EYS: variants seen among roughly 807,000 people sequenced by gnomAD.
EYS encodes protein eyes shut homolog.
A neutral mutation model predicts 282.1 loss-of-function variants in EYS; 250 were observed. The observed-to-expected ratio is 0.89, with a 90% CI of 0.80 to 0.98. The LOEUF (loss-of-function observed/expected upper bound fraction) is 0.98. Ranked by LOEUF, EYS falls within the 50% of genes least tolerant of loss-of-function variation. The probability of loss-of-function intolerance (pLI) is 0.00; values close to 1 mark genes in which losing one functional copy is unlikely to be tolerated. For synonymous variants in EYS, 1,355 were observed against 1,282.9 expected (o/e 1.06, Z -1.20); for missense variants, 4,016 against 3,709.0 (o/e 1.08, Z -2.15).
At chr6:64,648,155 G>T (rs965897853) in intron 22 of EYS, among the ~76,000 whole-genome samples, 25 of 152,140 alleles carry the variant, frequency 1.6e-4, no homozygotes, top group Non-Finnish European at 2.9e-4. Flanking sequence ...GGCTGGCACT[G>T]ATGTTATCTC....
chr6:65,486,259 A>G (rs985697610), intron 5 of EYS, among the ~76,000 whole-genome samples: 5 of 152,228 alleles, frequency 3.3e-5, no homozygotes, highest in Non-Finnish European at 7.3e-5. Flanking sequence ...GTTGTGACAA[A>G]ACTATTATTG....
intron 31 of EYS, among the ~76,000 whole-genome samples, chr6:64,202,923 C>T (rs371223886): frequency 1.3e-5 from 2 of 152,312 alleles, no homozygotes; most frequent in South Asian, 2.1e-4. Context: ...GCCATGCCAA[C>T]ACTTCAAGTT....
In EYS at chr6:64,378,097, T is replaced by A. The variant is rs139057896; in HGVS notation, c.6078+10593A>T. Among the ~76,000 whole-genome samples, 1,225 of 152,318 alleles carry A rather than the reference T, an allele frequency of 8.0e-3. 4 individuals carry two copies. Among genetic ancestry groups the A allele is most frequent in the Middle Eastern group, 0.014 (4 of 294 alleles). On this transcript the variant is annotated intron_variant, in intron 29 of 42. Transcript: ENST00000503581. ...TGCATGAATGTCCTTTAATGTTGTA[T>A]ACATGATGTGTTTCCTCCCTTTAAT...
intron 12 of EYS, among the ~76,000 whole-genome samples, chr6:65,144,213 C>T (rs765195345): frequency 6.6e-6 from 1 of 152,086 alleles, no homozygotes; most frequent in Non-Finnish European, 1.5e-5. Flanking sequence ...TCAAACTTCA[C>T]ATCTTGGCTA....
chr6:64,282,057 A>G (rs1768326910), intron 30 of EYS, among the ~76,000 whole-genome samples: 1 of 152,156 alleles, frequency 6.6e-6, no homozygotes, highest in African/African-American at 2.4e-5. Flanking sequence ...GAAAGTGTCT[A>G]TTCTGATGTC....
intron 14 of EYS, among the ~76,000 whole-genome samples, chr6:64,964,127 C>A (rs1405041404): frequency 6.6e-6 from 1 of 151,890 alleles, no homozygotes; most frequent in Non-Finnish European, 1.5e-5. Flanking sequence ...ACACACTTCT[C>A]ACACTATTTG....
intron 35 of EYS, among the ~76,000 whole-genome samples, chr6:63,866,270 G>T (rs1313334603): frequency 3.9e-5 from 6 of 152,152 alleles, no homozygotes; most frequent in African/African-American, 1.4e-4. Flanking sequence ...AATGTTGTTT[G>T]GGGGTAATGG....
chr6:64,277,176 T>G (rs1002942514), intron 30 of EYS, among the ~76,000 whole-genome samples: 2 of 152,078 alleles, frequency 1.3e-5, no homozygotes, highest in Admixed American at 1.3e-4. Flanking sequence ...AAACACAAAC[T>G]CTCTCCTAAT....
At chr6:65,052,172 A>T (rs1773290236) in intron 13 of EYS, among the ~76,000 whole-genome samples, 1 of 151,528 alleles carries the variant, frequency 6.6e-6, no homozygotes, top group Non-Finnish European at 1.5e-5. Context: ...ATGTGAAAAA[A>T]TAGCATTTTT....
At chr6:65,059,360 TC>T (rs1773505566) in intron 12 of EYS, among the ~76,000 whole-genome samples, 1 of 152,106 alleles carries the variant, frequency 6.6e-6, no homozygotes, top group African/African-American at 2.4e-5. Flanking sequence ...GTAAGAGAGC[TC>T]ATAGGTCATA....
At chr6:65,039,061 T>C (rs938568675) in intron 13 of EYS, among the ~76,000 whole-genome samples, 7 of 151,516 alleles carry the variant, frequency 4.6e-5, no homozygotes, top group African/African-American at 1.7e-4. Context: ...TAATGATTAT[T>C]GCTTATTTTA....
chr6:65,606,107 T>G (rs1348662037), intron 2 of EYS, among the ~76,000 whole-genome samples: 2 of 151,610 alleles, frequency 1.3e-5, no homozygotes, highest in Non-Finnish European at 3.0e-5. Context: ...AAACAATATT[T>G]ATTTACATGA....
intron 31 of EYS, among the ~76,000 whole-genome samples, chr6:64,107,369 A>G (rs111695857): frequency 0.092 from 13,493 of 147,168 alleles, 1,104 homozygotes; most frequent in African/African-American, 0.23. Context: ...ACAGTAGCCT[A>G]TGTGCAAGCT....
At chr6:65,391,613 G>A (rs974729199) in intron 7 of EYS, among the ~76,000 whole-genome samples, 3 of 152,032 alleles carry the variant, frequency 2.0e-5, no homozygotes, top group African/African-American at 7.2e-5. Context: ...CAACTTACAA[G>A]GGATGTGAAG....
chr6:65,637,018 T>C (rs1172346011), intron 2 of EYS, among the ~76,000 whole-genome samples: 1 of 152,124 alleles, frequency 6.6e-6, no homozygotes, highest in African/African-American at 2.4e-5. Flanking sequence ...GGCATCCCCC[T>C]ATGTTGTGCA....
chr6:64,088,407 TTGAA>T lies in EYS; in HGVS notation c.6425-6409_6425-6406del, dbSNP rs566078927. 2.6e-3 allele frequency among the ~76,000 whole-genome samples: 395 copies of T among 152,146 alleles called. 1 individual carries two copies. The highest frequency in any genetic ancestry group is 8.8e-3 in the African/African-American group (365 of 41,540). On this transcript the variant is annotated intron_variant, in intron 31 of 42. Transcript: ENST00000503581. ...ACATCTAAAATATACTCTGCAATGT[TTGAA>T]TGTCTTAAAAGATCATATAGACTTA...
intron 14 of EYS, among the ~76,000 whole-genome samples, chr6:64,976,902 A>AT (rs1473003381): frequency 1.3e-5 from 2 of 151,032 alleles, no homozygotes; most frequent in South Asian, 2.1e-4. Context: ...ATTTTTTATT[A>AT]TTTTTTTTGA....
chr6:65,386,430 C>A (rs1480692075), intron 7 of EYS, among the ~76,000 whole-genome samples: 1 of 151,272 alleles, frequency 6.6e-6, no homozygotes, highest in African/African-American at 2.4e-5. Flanking sequence ...AAAGGGAAAA[C>A]TTTCCTACTG....
At chr6:65,068,143 AT>A (rs1773800252) in intron 12 of EYS, among the ~76,000 whole-genome samples, 1 of 151,980 alleles carries the variant, frequency 6.6e-6, no homozygotes, top group Non-Finnish European at 1.5e-5. Flanking sequence ...TGCCTGAGAG[AT>A]TTTTCAAACC....
Sources: gnomAD v4.1 joint callset for allele counts (sites outside exome capture counted in the v4.1 genomes callset) on GRCh38, gnomAD v4.1.1 for gene constraint, MANE v1.5 for transcripts, NCBI Gene and HGNC (gene_info 2026-07-23, HGNC 2026-07-21) for gene names.